The following ASPH variants were observed in gnomAD, a reference collection of about 807,000 sequenced individuals.
ASPH encodes aspartyl/asparaginyl beta-hydroxylase.
ASPH carries 100 observed loss-of-function variants against 118.4 expected under a neutral mutation model. The observed-to-expected ratio is 0.84, with a 90% CI of 0.72 to 1.00. The LOEUF is 1.00. ASPH is among the 50% of genes least tolerant of loss of function. ASPH has a pLI of 0.00. For missense variants in ASPH, 920 were observed against 919.5 expected (o/e 1.00, Z -0.01); for synonymous variants, 315 against 325.6 (o/e 0.97, Z 0.35).
At chr8:61,624,726 A>G in intron 13 of ASPH, 2 of 985,780 alleles carry the variant, frequency 2.0e-6, no homozygotes, top group Non-Finnish European at 2.4e-6. Flanking sequence ...AGAGTTCTAC[A>G]AAAATCCAGC....
At chr8:61,628,042 T>G (rs1853722219) in intron 13 of ASPH, among the ~76,000 whole-genome samples, 2 of 152,102 alleles carry the variant, frequency 1.3e-5, no homozygotes, top group Non-Finnish European at 2.9e-5. Flanking sequence ...TAGCCTACGG[T>G]AGCTGCTTCT....
At chr8:61,563,441 G>A (rs537148526) in intron 17 of ASPH, among the ~76,000 whole-genome samples, 74 of 152,126 alleles carry the variant, frequency 4.9e-4, no homozygotes, top group African/African-American at 1.5e-3. Flanking sequence ...GCCCTCTCGT[G>A]GACAAAGGCA....
chr8:61,517,341 G>T, intron 24 of ASPH, 187 bp downstream of exon 24: 1 of 774,052 alleles, frequency 1.3e-6, no homozygotes, highest in Non-Finnish European at 2.0e-6. Flanking sequence ...CTAGAGCTGG[G>T]CAATGTCTCC....
rs1297739523 is a variant in ASPH, at chr8:61,643,987, TAC to T, written c.665_666del (p.Cys222Ter). On this transcript the variant is annotated frameshift_variant, in exon 8 of 25. Transcript: ENST00000379454. LOFTEE classifies it high-confidence loss of function. Reference sequence around the variant, plus strand: ...GACATCATCTCTTCCATATCCTGATTACAGTCTTGTGAAACTATAAATTATGG... The same window carrying T: ...GACATCATCTCTTCCATATCCTGATTAGTCTTGTGAAACTATAAATTATGG... ...YHVEETVSQD[C>X]NQDMEEMMSE... The T allele has an allele frequency of 6.2e-7, 1 of 1,610,052 alleles. No individual in the cohort carries two copies. Among genetic ancestry groups the T allele is most frequent in the African/African-American group, 1.3e-5 (1 of 74,836 alleles).
At chr8:61,558,185 A>C (rs1422893591) in intron 18 of ASPH, among the ~76,000 whole-genome samples, 1 of 152,216 alleles carries the variant, frequency 6.6e-6, no homozygotes, top group Non-Finnish European at 1.5e-5. Context: ...GGCACGAAGC[A>C]TGCAGGGGTT....
chr8:61,708,789 G>C (rs370484581), intron 1 of ASPH, among the ~76,000 whole-genome samples: 1 of 152,196 alleles, frequency 6.6e-6, no homozygotes, highest in Non-Finnish European at 1.5e-5. Context: ...ACATGTAGGA[G>C]AGAAGTGCTG....
At chr8:61,657,588 T>C (rs1351979152) in intron 3 of ASPH, 2 of 152,186 alleles carry the variant, frequency 1.3e-5, no homozygotes, top group African/African-American at 4.8e-5. Flanking sequence ...AGTCCATCCT[T>C]AACCAAAATG....
At chr8:61,525,354 A>ACACG (rs1814881368) in intron 22 of ASPH, among the ~76,000 whole-genome samples, 1 of 132,898 alleles carries the variant, frequency 7.5e-6, no homozygotes, top group African/African-American at 2.8e-5. Context: ...ACACACACAC[A>ACACG]CGCACACACA....
At chr8:61,505,194 C>T (rs563622153) in intron 24 of ASPH, among the ~76,000 whole-genome samples, 3 of 152,262 alleles carry the variant, frequency 2.0e-5, no homozygotes, top group African/African-American at 7.2e-5. Flanking sequence ...CTTGCCGCCA[C>T]CAGGTAAGAA....
intron 3 of ASPH, among the ~76,000 whole-genome samples, chr8:61,668,543 A>G (rs1158064410): frequency 1.3e-5 from 2 of 152,210 alleles, no homozygotes; most frequent in Non-Finnish European, 1.5e-5. Context: ...TGTTGGCATT[A>G]GAAATACTTA....
At chr8:61,562,526 T>C (rs1322367659) in intron 18 of ASPH, among the ~76,000 whole-genome samples, 1 of 152,156 alleles carries the variant, frequency 6.6e-6, no homozygotes, top group African/African-American at 2.4e-5. Context: ...AATTATAAGT[T>C]GAAGGCTTTA....
intron 3 of ASPH, among the ~76,000 whole-genome samples, chr8:61,669,110 C>T (rs762417460): frequency 6.6e-6 from 1 of 152,102 alleles, no homozygotes; most frequent in African/African-American, 2.4e-5. Flanking sequence ...TGGCCTTTAG[C>T]CTGTCACTAA....
In ASPH at chr8:61,686,246, G is replaced by A. The variant is rs1830469409; in HGVS notation, c.104-2058C>T. On this transcript the variant is annotated intron_variant, in intron 1 of 24. Transcript: ENST00000379454. Reference sequence around the variant, plus strand: ...TATGTATTAAATAAAAATACTTGCTGGGCATAGATCCTATTGTTGCAGATT... The same window carrying A: ...TATGTATTAAATAAAAATACTTGCTAGGCATAGATCCTATTGTTGCAGATT... Among the ~76,000 whole-genome samples, 2 of 152,114 alleles carry A rather than the reference G, an allele frequency of 1.3e-5. 1 individual carries two copies. The highest frequency in any genetic ancestry group is 4.1e-4 in the South Asian group (2 of 4,830).
intron 1 of ASPH, 117 bp from the exon 2 acceptor site, chr8:61,684,305 C>T (rs1280083104): frequency 9.0e-7 from 1 of 1,111,148 alleles, no homozygotes; most frequent in Non-Finnish European, 1.2e-6. Context: ...ATTTCAAAAA[C>T]AGTTTCCAGT....
intron 21 of ASPH, among the ~76,000 whole-genome samples, chr8:61,531,919 A>G (rs889827475): frequency 2.6e-5 from 4 of 152,108 alleles, no homozygotes; most frequent in Admixed American, 6.5e-5. Flanking sequence ...TATATACTAA[A>G]GTTTTTCTTC....
At chr8:61,634,818 T>C (rs1168729480) in intron 12 of ASPH, among the ~76,000 whole-genome samples, 2 of 152,228 alleles carry the variant, frequency 1.3e-5, no homozygotes, top group Non-Finnish European at 2.9e-5. Flanking sequence ...TCATAAAGTA[T>C]TAGTTGCTGC....
At chr8:61,694,687 G>C (rs1833506540) in intron 1 of ASPH, among the ~76,000 whole-genome samples, 1 of 152,124 alleles carries the variant, frequency 6.6e-6, no homozygotes, top group Admixed American at 6.5e-5. Context: ...TGATTTTTAA[G>C]TGTGAAAATT....
At chr8:61,548,525 T>G (rs1824720987) in intron 20 of ASPH, among the ~76,000 whole-genome samples, 1 of 152,214 alleles carries the variant, frequency 6.6e-6, no homozygotes. Flanking sequence ...ACTTATTTTT[T>G]GAATGAATAA....
intron 3 of ASPH, chr8:61,680,731 T>C (rs1827622040): frequency 6.8e-6 from 2 of 294,988 alleles, no homozygotes; most frequent in Non-Finnish European, 1.2e-5. Flanking sequence ...GAAATTATTA[T>C]ACTTATCAAA....
Sources: allele counts gnomAD v4.1 joint callset (sites outside exome capture counted in the v4.1 genomes callset), GRCh38; gene constraint gnomAD v4.1.1; transcripts MANE v1.5; gene names NCBI Gene and HGNC (gene_info 2026-07-23, HGNC 2026-07-21).